ABTB3: variants seen among roughly 807,000 people sequenced by gnomAD.
ABTB3 encodes ankyrin repeat- and BTB/POZ domain-containing protein 3.
At chr12:107,321,037 G>A in the ABTB3 span, among the ~76,000 whole-genome samples, 1 of 152,230 alleles carries the variant, frequency 6.6e-6, no homozygotes, top group Non-Finnish European at 1.5e-5. Context: ...CGCTGGCGGT[G>A]CTGCCCGTCT....
the ABTB3 span, among the ~76,000 whole-genome samples, chr12:107,324,548 A>C: frequency 2.0e-5 from 3 of 152,158 alleles, no homozygotes; most frequent in African/African-American, 7.2e-5. Flanking sequence ...AATGATATCT[A>C]CCTTTAGTGA....
the ABTB3 span, among the ~76,000 whole-genome samples, chr12:107,371,403 T>C: frequency 6.6e-6 from 1 of 152,126 alleles, no homozygotes; most frequent in East Asian, 1.9e-4. Flanking sequence ...CTGCCAGGCT[T>C]CTACGAAGCT....
chr12:107,521,263 T>TTGTGTGTGTGTGTG, the ABTB3 span, among the ~76,000 whole-genome samples: 65 of 142,962 alleles, frequency 4.5e-4, 1 homozygote, highest in African/African-American at 1.1e-3. Flanking sequence ...TTCATATAAG[T>TTGTGTGTGTGTGTG]TGTGTGTGTG....
chr12:107,524,486 C>G, the ABTB3 span, among the ~76,000 whole-genome samples: 2 of 152,172 alleles, frequency 1.3e-5, no homozygotes, highest in Admixed American at 6.5e-5. Flanking sequence ...GAAACAGGGA[C>G]ACGTCTGGCC....
the ABTB3 span, among the ~76,000 whole-genome samples, chr12:107,507,719 C>G: frequency 1.8e-4 from 27 of 152,292 alleles, no homozygotes; most frequent in East Asian, 4.1e-3. Context: ...GTTTTCTTGC[C>G]TCTGTGACTT....
At chr12:107,469,866 T>TTTTCTTTTCTTTC in the ABTB3 span, among the ~76,000 whole-genome samples, 9 of 75,574 alleles carry the variant, frequency 1.2e-4, no homozygotes, top group South Asian at 1.6e-3. Flanking sequence ...TCTTTCTTTC[T>TTTTCTTTTCTTTC]TTTCTTTCTT....
chr12:107,351,827 C>G, the ABTB3 span, among the ~76,000 whole-genome samples: 1 of 152,090 alleles, frequency 6.6e-6, no homozygotes, highest in African/African-American at 2.4e-5. Context: ...CACACCCTCT[C>G]CCAATTAATA....
chr12:107,565,666 T>C, the ABTB3 span, among the ~76,000 whole-genome samples: 2 of 152,212 alleles, frequency 1.3e-5, no homozygotes, highest in African/African-American at 4.8e-5. Context: ...GGTTCTTCCT[T>C]GGTCGTGAGC....
At chr12:107,335,786 G>T in the ABTB3 span, among the ~76,000 whole-genome samples, 1 of 152,172 alleles carries the variant, frequency 6.6e-6, no homozygotes, top group Non-Finnish European at 1.5e-5. Flanking sequence ...GGCGAGTGAG[G>T]TAGGGCCAGG....
At chr12:107,320,475 G>A in the ABTB3 span, 1 of 429,770 alleles carries the variant, frequency 2.3e-6, no homozygotes, top group African/African-American at 2.0e-5. Flanking sequence ...GCATGAATTG[G>A]GCTCCCTAGG....
chr12:107,371,789 G>T, the ABTB3 span, among the ~76,000 whole-genome samples: 1 of 152,150 alleles, frequency 6.6e-6, no homozygotes, highest in Non-Finnish European at 1.5e-5. Context: ...GGATGGCAAA[G>T]ATACTTGGTA....
At chr12:107,432,982 A>G in the ABTB3 span, among the ~76,000 whole-genome samples, 1 of 152,296 alleles carries the variant, frequency 6.6e-6, no homozygotes, top group Non-Finnish European at 1.5e-5. Context: ...GGCAGGGTTA[A>G]CACATTCAAG....
At chr12:107,380,534 C>CA in the ABTB3 span, among the ~76,000 whole-genome samples, 138 of 152,274 alleles carry the variant, frequency 9.1e-4, 2 homozygotes, top group African/African-American at 3.2e-3. Context: ...CCTGTATTTA[C>CA]AGATGGGGAA....
chr12:107,649,183 C>G, the ABTB3 span: 325,514 of 1,599,552 alleles, frequency 0.2, 37,931 homozygotes, highest in East Asian at 0.52. Context: ...GCTGTTGACA[C>G]TGTTCTCTGT....
chr12:107,354,126 C>G, the ABTB3 span, among the ~76,000 whole-genome samples: 1 of 152,132 alleles, frequency 6.6e-6, no homozygotes, highest in East Asian at 1.9e-4. Flanking sequence ...CCACAACCTT[C>G]CCCCAATTCT....
chr12:107,424,111 C>T, the ABTB3 span, among the ~76,000 whole-genome samples: 1 of 152,164 alleles, frequency 6.6e-6, no homozygotes, highest in African/African-American at 2.4e-5. Flanking sequence ...AGAGCGGGCA[C>T]TTAAGTGGTG....
the ABTB3 span, among the ~76,000 whole-genome samples, chr12:107,477,394 G>A: frequency 1.3e-5 from 2 of 152,168 alleles, no homozygotes; most frequent in East Asian, 1.9e-4. Flanking sequence ...ACGTGGGTTC[G>A]CAGGCATTGG....
chr12:107,410,170 C>T, the ABTB3 span, among the ~76,000 whole-genome samples: 1 of 150,462 alleles, frequency 6.6e-6, no homozygotes, highest in East Asian at 2.0e-4. Flanking sequence ...CAGGGCACCT[C>T]CAGACATGCC....
At chr12:107,478,450 G>T in the ABTB3 span, among the ~76,000 whole-genome samples, 2 of 152,126 alleles carry the variant, frequency 1.3e-5, no homozygotes, top group Non-Finnish European at 2.9e-5. Flanking sequence ...AGGTGCTCAT[G>T]GTACTTGTTT....
Sources: gnomAD v4.1 joint callset for allele counts (sites outside exome capture counted in the v4.1 genomes callset) on GRCh38, gnomAD v4.1.1 for gene constraint, MANE v1.5 for transcripts, NCBI Gene and HGNC (gene_info 2026-07-23, HGNC 2026-07-21) for gene names.